CMTR1: variants seen among roughly 807,000 people sequenced by gnomAD.
CMTR1 encodes the protein cap-specific mRNA (nucleoside-2'-O-)-methyltransferase 1.
A neutral mutation model predicts 107.0 loss-of-function variants in CMTR1; 39 were observed. The observed-to-expected ratio is 0.36, with a 90% CI of 0.28 to 0.48. CMTR1 has a LOEUF of 0.48. Among genes scored for constraint, CMTR1 ranks in the 20% least tolerant of loss-of-function variants. The pLI is 0.99. For synonymous variants in CMTR1, 366 were observed against 379.5 expected, an observed-to-expected ratio of 0.96 and a Z score of 0.41; for missense variants, 672 against 1,064.9, an observed-to-expected ratio of 0.63 and a Z score of 5.14.
At chr6:37,455,073 A>T (rs188355836) in intron 8 of CMTR1, among the ~76,000 whole-genome samples, 1 of 145,766 alleles carries the variant, frequency 6.9e-6, no homozygotes, top group Non-Finnish European at 1.5e-5. Context: ...AGTGATGGAG[A>T]GAGCAGACTG....
intron 8 of CMTR1, among the ~76,000 whole-genome samples, chr6:37,457,040 C>T (rs1005948198): frequency 9.3e-5 from 14 of 151,188 alleles, no homozygotes; most frequent in African/African-American, 2.7e-4. Context: ...GGGCAATACA[C>T]CAAGATCCTG....
chr6:37,454,688 G>A (rs564884015), intron 8 of CMTR1, among the ~76,000 whole-genome samples: 1 of 152,330 alleles, frequency 6.6e-6, no homozygotes, highest in East Asian at 1.9e-4. Context: ...AAAGGCAGCC[G>A]TGTTTGTAAT....
chr6:37,450,161 T>G, intron 4 of CMTR1, 90 bp from the exon 5 acceptor site: 2 of 1,117,588 alleles, frequency 1.8e-6, no homozygotes, highest in Non-Finnish European at 2.7e-6. Flanking sequence ...TCTCAGTCCC[T>G]TTTGATTGTT....
At chr6:37,470,685 C>T (rs1294834377) in intron 13 of CMTR1, among the ~76,000 whole-genome samples, 3 of 152,138 alleles carry the variant, frequency 2.0e-5, no homozygotes, top group Non-Finnish European at 4.4e-5. Context: ...TGTTAGTATA[C>T]ATAGGTCGAG....
intron 2 of CMTR1, 116 bp from the exon 3 acceptor site, chr6:37,443,883 T>G: frequency 8.7e-7 from 1 of 1,150,820 alleles, no homozygotes; most frequent in Non-Finnish European, 1.2e-6. Context: ...GGTCATTTAA[T>G]GAACTTTATA....
At chr6:37,429,350 G>C (rs954327358), upstream of CMTR1, among the ~76,000 whole-genome samples, 9 of 151,836 alleles carry the variant, frequency 5.9e-5, no homozygotes, top group Non-Finnish European at 1.0e-4. Flanking sequence ...TTTAAATTAT[G>C]GTAAAAAACA....
upstream of CMTR1, among the ~76,000 whole-genome samples, chr6:37,430,251 A>G (rs1257255383): frequency 6.6e-6 from 1 of 152,198 alleles, no homozygotes; most frequent in Non-Finnish European, 1.5e-5. Flanking sequence ...TTTACTTTTC[A>G]GAATCCTCAG....
At chr6:37,479,913 A>C in intron 23 of CMTR1, 100 bp from the exon 24 acceptor site, 2 of 1,191,446 alleles carry the variant, frequency 1.7e-6, no homozygotes, top group South Asian at 1.9e-5. Context: ...ACCTCAACTA[A>C]AGTCATTGAC....
At chr6:37,448,796 T>C (rs1771864511) in intron 4 of CMTR1, among the ~76,000 whole-genome samples, 1 of 152,312 alleles carries the variant, frequency 6.6e-6, no homozygotes, top group Admixed American at 6.5e-5. Context: ...GGTTTTATAA[T>C]CCATGTTTCT....
chr6:37,424,490 G>A, the CMTR1 span, among the ~76,000 whole-genome samples: 4 of 151,382 alleles, frequency 2.6e-5, no homozygotes, highest in Non-Finnish European at 5.9e-5. Context: ...CTCGTGATCC[G>A]CCCACCTCGG....
intron 16 of CMTR1, 25 bp from the exon 17 acceptor site, chr6:37,473,445 T>C (rs1761668692): frequency 1.2e-6 from 2 of 1,607,824 alleles, no homozygotes; most frequent in African/African-American, 2.7e-5. Context: ...AACCCGGCAG[T>C]GTTTTCTCTG....
At chr6:37,439,797 T>C (rs1039096945) in intron 2 of CMTR1, among the ~76,000 whole-genome samples, 2 of 152,244 alleles carry the variant, frequency 1.3e-5, no homozygotes, top group African/African-American at 4.8e-5. Flanking sequence ...TGTCATTTTT[T>C]AAACATAGTA....
chr6:37,473,654 G>T (rs1761672638), intron 17 of CMTR1, 53 bp downstream of exon 17: 1 of 1,586,852 alleles, frequency 6.3e-7, no homozygotes. Context: ...TTTGCCCTTT[G>T]CGGAATCTGG....
intron 5 of CMTR1, 27 bp downstream of exon 5, chr6:37,450,370 A>C: frequency 1.9e-6 from 3 of 1,549,754 alleles, no homozygotes; most frequent in Non-Finnish European, 2.7e-6. Flanking sequence ...ACGTACCCTG[A>C]CTTCTTGGCA....
At chr6:37,431,070 G>GT (rs965920183), upstream of CMTR1, among the ~76,000 whole-genome samples, 11 of 144,570 alleles carry the variant, frequency 7.6e-5, no homozygotes, top group Non-Finnish European at 4.6e-5. Flanking sequence ...ATATTTATCT[G>GT]TTTTTTCCAG....
Position 37,481,482 on chromosome 6 carries a change from G to A in CMTR1, c.*1337G>A. The A allele has an allele frequency of 9.0e-7, 1 of 1,114,880 alleles. No individual in the cohort carries two copies. The highest frequency in any genetic ancestry group is 4.1e-4 in the Middle Eastern group (1 of 2,410). 69.1% of individuals were successfully genotyped at this position (1,114,880 alleles called of 1,614,324 possible). A position where few individuals can be genotyped will look rare whatever the true frequency, so the allele number is the denominator to read the frequency against. ...TATCAGTGTGTCTTGCAGAATCTTG[G>A]ATCATTAAAGATAAACATATTTTTA... is the stretch of plus-strand genomic sequence containing the variant. On this transcript the variant is annotated 3_prime_UTR_variant, in exon 24 of 24. Coordinates refer to ENST00000373451, the MANE Select transcript of CMTR1 (RefSeq NM_015050.3).
chr6:37,477,837 C>G (rs1334541551), intron 21 of CMTR1, among the ~76,000 whole-genome samples, 198 bp downstream of exon 21: 1 of 152,226 alleles, frequency 6.6e-6, no homozygotes, highest in Admixed American at 6.5e-5. Flanking sequence ...CTTCAGCATC[C>G]TATCAGGAGG....
intron 2 of CMTR1, among the ~76,000 whole-genome samples, chr6:37,442,279 A>G (rs1159779472): frequency 3.3e-5 from 5 of 152,214 alleles, no homozygotes; most frequent in Non-Finnish European, 5.9e-5. Context: ...TGGGGAAGCT[A>G]AATCATAGCC....
rs117938405 is a variant in CMTR1 at position 37,457,229 on chromosome 6, A to C, written c.778-1383A>C. Among the ~76,000 whole-genome samples, 144 of 152,174 alleles carry C rather than the reference A, an allele frequency of 9.5e-4. 2 individuals are homozygous for C. The East Asian group carries it at 0.024, about 26-fold the overall frequency. On this transcript the variant is annotated intron_variant, in intron 8 of 23. Coordinates refer to ENST00000373451, the MANE Select transcript of CMTR1 (RefSeq NM_015050.3). ...GAGACCTCGTTGCCAAAAAAAAAAAAAACAAAAAAACCTGGGGAGAGAGAG... is the reference window on the plus strand; with the variant it reads ...GAGACCTCGTTGCCAAAAAAAAAAACAACAAAAAAACCTGGGGAGAGAGAG...
Sources: gnomAD v4.1 joint callset for allele counts (sites outside exome capture counted in the v4.1 genomes callset) on GRCh38, gnomAD v4.1.1 for gene constraint, MANE v1.5 for transcripts, NCBI Gene and HGNC (gene_info 2026-07-23, HGNC 2026-07-21) for gene names.